The following IRS1 variants were observed in gnomAD, a reference collection of about 807,000 sequenced individuals.
The protein encoded by IRS1 is insulin receptor substrate 1.
IRS1 carries 34 observed loss-of-function variants against 65.6 expected under a neutral mutation model. The observed-to-expected ratio is 0.52, with a 90% CI of 0.39 to 0.69. The LOEUF (loss-of-function observed/expected upper bound fraction) is 0.69, where lower values mean the gene tolerates loss of function less well. Among genes scored for constraint, IRS1 ranks in the 30% least tolerant of loss-of-function variants. IRS1 has a pLI of 0.00. For synonymous variants in IRS1, 699 were observed against 683.5 expected, an observed-to-expected ratio of 1.02 and a Z score of -0.35; for missense variants, 1,641 against 1,720.2, an observed-to-expected ratio of 0.95 and a Z score of 0.81.
rs367762669 is a variant in IRS1 at position 226,795,747 on chromosome 2, G to A, written c.2992C>T (p.Arg998Cys). The A allele has an allele frequency of 1.7e-5, 27 of 1,613,254 alleles. No homozygotes were observed. The highest frequency in any genetic ancestry group is 2.2e-5 in the East Asian group (1 of 44,894). Residue 998 changes from arginine (R) to cysteine (C), a missense_variant, in exon 1 of 2, where the codon CGT becomes TGT. Physicochemically the swap from Arg to Cys is radical, Grantham distance 180. Around this residue, in one of 3 missense-constraint regions of IRS1, gnomAD observed 1,324 missense variants for 1,361.0 expected, o/e 0.97. Coordinates refer to ENST00000305123, the MANE Select transcript of IRS1 (RefSeq NM_005544.3). ...DYMTMQMSCP[R>C]QSYVDTSPAA... ...GGCGAGGTGTCCACGTAGCTCTGAC[G>A]GGGACAACTCATCTGCATGGTCATG...
At position 226,797,572 on chromosome 2, in the gene IRS1, C is replaced by T. The variant is rs200860745; in HGVS notation, c.1167G>A (p.Pro389=). ...TGGTGCTACTGGACGACAGACTGACCGGGCTGGTGGCCGAAGGCGAGCAGC... is the reference window on the plus strand; with the variant it reads ...TGGTGCTACTGGACGACAGACTGACTGGGCTGGTGGCCGAAGGCGAGCAGC... ...ASRCSPSATS[P]VSLSSSSTSG... is the part of the protein sequence containing the mutation. The change falls in exon 1 of 2, where the codon CCG becomes CCA. Residue 389 remains proline (P), a synonymous_variant. Transcript: ENST00000305123. This position sits in a 1 kb window ranked among gnomAD's most constrained non-coding sequence, Gnocchi z 8.1. The T allele has an allele frequency of 3.8e-5, 60 of 1,596,978 alleles. No individual in the cohort carries two copies. Among genetic ancestry groups the T allele is most frequent in the Non-Finnish European group, 4.9e-5 (57 of 1,173,328 alleles).
At chr2:226,778,374 C>A (rs1464140612) in intron 1 of IRS1, among the ~76,000 whole-genome samples, 3 of 152,068 alleles carry the variant, frequency 2.0e-5, no homozygotes. Context: ...GAAAAAGCAA[C>A]CTTAAAATTG....
Position 226,779,282 on chromosome 2 carries a change from G to A in IRS1, c.*21+15707C>T, listed in dbSNP as rs1440526933. Among the ~76,000 whole-genome samples, 6 of 152,312 alleles carry A rather than the reference G, an allele frequency of 3.9e-5. No homozygotes were observed. The East Asian group carries it at 9.6e-4, about 24-fold the overall frequency. On this transcript the variant is annotated intron_variant, in intron 1 of 1. Transcript: ENST00000305123. ...ACCAAGTATTAGCAGTAGTAATGTA[G>A]TTAACAAAAACTTTATTTTCCTGAA...
chr2:226,774,269 C>T (rs1012722342), intron 1 of IRS1, among the ~76,000 whole-genome samples: 6 of 152,176 alleles, frequency 3.9e-5, no homozygotes, highest in African/African-American at 1.2e-4. Flanking sequence ...TCAAATAAAT[C>T]TGTTTTTTAA....
intron 1 of IRS1, among the ~76,000 whole-genome samples, chr2:226,740,257 C>T (rs1938412731): frequency 6.6e-6 from 1 of 152,186 alleles, no homozygotes; most frequent in East Asian, 1.9e-4. Context: ...AAAATTTCAT[C>T]ACCACATCAG....
chr2:226,793,847 C>G (rs559741277), intron 1 of IRS1, among the ~76,000 whole-genome samples: 1 of 152,274 alleles, frequency 6.6e-6, no homozygotes, highest in African/African-American at 2.4e-5. Context: ...TTATGACCAC[C>G]AGAAAACAGG....
intron 1 of IRS1, among the ~76,000 whole-genome samples, chr2:226,748,136 A>AAT (rs1168188507): frequency 6.6e-6 from 1 of 151,896 alleles, no homozygotes; most frequent in East Asian, 1.9e-4. Context: ...AAAAAAAAAA[A>AAT]ATCCTCAAGG....
Position 226,796,849 on chromosome 2 carries a change from T to A in IRS1, c.1890A>T (p.Gly630=). The change falls in exon 1 of 2, where the codon GGA becomes GGT. Residue 630 remains glycine, a synonymous_variant. Transcript: ENST00000305123. ...TCTTGGGGCTCATGGGCATATAGTC[T>A]CCACTGCCCTTTCGGCCACTGGGCA... is the stretch of plus-strand genomic sequence containing the variant. ...APVPSGRKGS[G]DYMPMSPKSV... is the part of the protein sequence containing the mutation. The A allele has an allele frequency of 6.5e-7, 1 of 1,543,124 alleles. No individual in the cohort carries two copies. The highest frequency in any genetic ancestry group is 8.7e-7 in the Non-Finnish European group (1 of 1,143,492).
chr2:226,756,834 C>T (rs565934721), intron 1 of IRS1, among the ~76,000 whole-genome samples: 8 of 152,100 alleles, frequency 5.3e-5, no homozygotes, highest in Admixed American at 2.0e-4. Flanking sequence ...CGATGGCGTG[C>T]GCCTGTGGTC....
intron 1 of IRS1, among the ~76,000 whole-genome samples, chr2:226,747,176 A>C (rs1209909567): frequency 6.6e-6 from 1 of 152,138 alleles, no homozygotes; most frequent in African/African-American, 2.4e-5. Flanking sequence ...CCCCATGGAC[A>C]GTTGTGCCCC....
chr2:226,751,574 C>A (rs920401208), intron 1 of IRS1, among the ~76,000 whole-genome samples: 53 of 152,162 alleles, frequency 3.5e-4, no homozygotes, highest in African/African-American at 1.3e-3. Context: ...TGAGCCACCG[C>A]GCCCGGCCGG....
intron 1 of IRS1, among the ~76,000 whole-genome samples, chr2:226,760,740 C>T (rs550852568): frequency 6.6e-6 from 1 of 152,336 alleles, no homozygotes; most frequent in African/African-American, 2.4e-5. Context: ...GCACCCTCTT[C>T]TACCCATTTT....
At chr2:226,790,332 T>TA (rs1418248183) in intron 1 of IRS1, among the ~76,000 whole-genome samples, 1 of 150,914 alleles carries the variant, frequency 6.6e-6, no homozygotes, top group African/African-American at 2.4e-5. Context: ...GAATTGTGAT[T>TA]TAAAAAAAAA....
chr2:226,776,782 C>A (rs1939282548), intron 1 of IRS1, among the ~76,000 whole-genome samples: 1 of 152,094 alleles, frequency 6.6e-6, no homozygotes, highest in African/African-American at 2.4e-5. Flanking sequence ...TGGCGCACAC[C>A]CATAATCCCA....
rs141151969 is a variant in IRS1, at chr2:226,776,514, C to A, written c.*21+18475G>T. 4.6e-5 allele frequency among the ~76,000 whole-genome samples: 7 copies of A among 152,226 alleles called. No homozygotes were observed. The East Asian group carries it at 9.6e-4, about 21-fold the overall frequency. ...ACAAACACTCCTTCAGCCAAGTTAT[C>A]AAGGTCAACATCGACCTTGAGAAAT... On this transcript the variant is annotated intron_variant, in intron 1 of 1. Transcript: ENST00000305123.
Position 226,798,373 on chromosome 2 carries a change from G to A in IRS1, c.366C>T (p.Asp122=), listed in dbSNP as rs566380529. 9.9e-6 allele frequency: 16 copies of A among 1,613,854 alleles called. No individual in the cohort carries two copies. In the South Asian group the frequency reaches 1.4e-4, roughly 14 times the overall value. Residue 122 remains aspartate, a synonymous_variant, in exon 1 of 2, where the codon GAC becomes GAT. Transcript: ENST00000305123. The surrounding 1 kb of genome is among the most constrained non-coding windows in gnomAD (Gnocchi z 9.4). The part of the protein sequence containing the change: ...QLHNRAKGHH[D]GAAALGAGGG... ...CTCCCGCCCCGAGGGCCGCAGCTCC[G>A]TCGTGGTGGCCCTTAGCACGGTTGT...
In IRS1 at chr2:226,751,274, ATTTTTTTTTT is replaced by A. The variant is rs35699614; in HGVS notation, c.*22-15034_*22-15025del. On this transcript the variant is annotated intron_variant, in intron 1 of 1. Transcript: ENST00000305123. ...ATTCCTTAAAAGACTCCACACGGGT[ATTTTTTTTTT>A]TTTTTTTTTTTTTTTTTGAGACAGA... 3.1e-4 allele frequency among the ~76,000 whole-genome samples: 24 copies of A among 77,552 alleles called. 2 individuals carry two copies. The highest frequency in any genetic ancestry group is 9.4e-4 in the African/African-American group (18 of 19,070). 50.9% of individuals were successfully genotyped at this position (77,552 alleles called of 152,430 possible).
intron 1 of IRS1, among the ~76,000 whole-genome samples, chr2:226,789,629 A>C (rs1939551100): frequency 6.6e-6 from 1 of 152,150 alleles, no homozygotes; most frequent in Non-Finnish European, 1.5e-5. Context: ...ACCCCTGAAA[A>C]AGAGGTGATT....
chr2:226,771,862 C>T (rs2106172157), intron 1 of IRS1, among the ~76,000 whole-genome samples: 1 of 152,222 alleles, frequency 6.6e-6, no homozygotes, highest in South Asian at 2.1e-4. Flanking sequence ...AATGCATGTA[C>T]CTAGCTCCTT....
Sources: gnomAD v4.1 joint callset for allele counts (sites outside exome capture counted in the v4.1 genomes callset) on GRCh38, gnomAD v4.1.1 for gene constraint, gnomAD v4.1.1 regional missense constraint, Gnocchi (gnomAD v3.1) non-coding constraint, MANE v1.5 for transcripts, NCBI Gene and HGNC (gene_info 2026-07-23, HGNC 2026-07-21) for gene names.